SHANK2: variants seen among roughly 807,000 people sequenced by gnomAD.
SHANK2 encodes SH3 and multiple ankyrin repeat domains protein 2.
SHANK2 carries 43 observed loss-of-function variants against 133.7 expected under a neutral mutation model. That is an observed-to-expected ratio of 0.32 (90% CI 0.25 to 0.41). SHANK2 has a LOEUF of 0.41. Ranked by LOEUF, SHANK2 falls within the 10% of genes least tolerant of loss-of-function variation. The pLI is 1.00. For synonymous variants in SHANK2, 1,017 were observed against 952.8 expected (o/e 1.07, Z -1.24); for missense variants, 1,994 against 2,235.8 (o/e 0.89, Z 2.18).
intron 17 of SHANK2, among the ~76,000 whole-genome samples, chr11:70,612,556 G>A (rs2060674147): frequency 6.6e-6 from 1 of 152,186 alleles, no homozygotes; most frequent in Non-Finnish European, 1.5e-5. Flanking sequence ...CTTCATCCCT[G>A]AAGTATGCAT....
intron 12 of SHANK2, among the ~76,000 whole-genome samples, chr11:70,810,482 G>A (rs147643552): frequency 1.7e-4 from 26 of 152,318 alleles, no homozygotes; most frequent in African/African-American, 6.3e-4. Flanking sequence ...GGGACTCCAA[G>A]GAGAATACAG....
chr11:70,629,992 C>T (rs2060960455), intron 17 of SHANK2, among the ~76,000 whole-genome samples: 1 of 152,190 alleles, frequency 6.6e-6, no homozygotes, highest in African/African-American at 2.4e-5. Context: ...GGGTGCTTAT[C>T]AATGAGACAG....
chr11:70,846,782 C>T (rs1177544258), intron 11 of SHANK2, among the ~76,000 whole-genome samples: 2 of 152,202 alleles, frequency 1.3e-5, no homozygotes, highest in Non-Finnish European at 2.9e-5. Flanking sequence ...CAATGTAAAG[C>T]ACCACACTCT....
In SHANK2 at chr11:70,534,944, G is replaced by A. The variant is rs1206410007; in HGVS notation, c.2062-32013C>T. Among the ~76,000 whole-genome samples, 3 of 152,260 alleles carry A rather than the reference G, an allele frequency of 2.0e-5. No individual in the cohort carries two copies. In the East Asian group the frequency reaches 5.8e-4, roughly 29 times the overall value. ...AGTCAAGTTCGTTAGCTATGCAGGG[G>A]CAGGAGATGTGGATAGTGCCTCTGG... On this transcript the variant is annotated intron_variant, in intron 17 of 25. Coordinates refer to ENST00000601538, the MANE Select transcript of SHANK2 (RefSeq NM_012309.5).
At chr11:70,662,040 G>T (rs1053626313) in intron 15 of SHANK2, 1 of 513,756 alleles carries the variant, frequency 1.9e-6, no homozygotes, top group Non-Finnish European at 3.5e-6. Context: ...TGGCCCGAAC[G>T]GCGGCGGCGG....
intron 14 of SHANK2, among the ~76,000 whole-genome samples, chr11:70,784,207 C>T (rs1219430538): frequency 2.6e-5 from 4 of 151,360 alleles, no homozygotes; most frequent in African/African-American, 7.3e-5. Flanking sequence ...GACAGAGTCT[C>T]GTTCTGTCAC....
At chr11:70,824,170 C>T (rs1045125044) in intron 11 of SHANK2, among the ~76,000 whole-genome samples, 1 of 151,900 alleles carries the variant, frequency 6.6e-6, no homozygotes, top group African/African-American at 2.4e-5. Flanking sequence ...CAGTTGTGAC[C>T]CGGCGCACCT....
intron 14 of SHANK2, among the ~76,000 whole-genome samples, chr11:70,715,588 A>G (rs1945896022): frequency 6.6e-6 from 1 of 152,194 alleles, no homozygotes; most frequent in Non-Finnish European, 1.5e-5. Context: ...TCTACTCTAT[A>G]GTAATTAGAA....
intron 10 of SHANK2, among the ~76,000 whole-genome samples, chr11:70,950,442 C>T (rs1352432007): frequency 6.6e-6 from 1 of 152,082 alleles, no homozygotes; most frequent in Non-Finnish European, 1.5e-5. Context: ...CCGCCCGCTT[C>T]AGCCCCCCAA....
chr11:71,102,555 T>G (rs560416339), intron 6 of SHANK2, among the ~76,000 whole-genome samples: 6 of 152,342 alleles, frequency 3.9e-5, no homozygotes, highest in Non-Finnish European at 7.3e-5. Context: ...TGCTGTCCCC[T>G]GGGTGGCTTT....
At chr11:70,700,778 G>C (rs951890537) in intron 14 of SHANK2, among the ~76,000 whole-genome samples, 12 of 152,250 alleles carry the variant, frequency 7.9e-5, no homozygotes, top group African/African-American at 2.7e-4. Flanking sequence ...ATGGGGCGAA[G>C]GAGGAGCCCC....
intron 2 of SHANK2, among the ~76,000 whole-genome samples, chr11:71,186,705 C>A (rs1953679356): frequency 6.6e-6 from 1 of 152,240 alleles, no homozygotes; most frequent in African/African-American, 2.4e-5. Flanking sequence ...TGGAGCTGCC[C>A]TCAGTGACTT....
At chr11:70,494,762 T>A (rs565502347) in intron 21 of SHANK2, among the ~76,000 whole-genome samples, 61 of 152,238 alleles carry the variant, frequency 4.0e-4, no homozygotes, top group African/African-American at 1.3e-3. Context: ...TGCCAAGTGT[T>A]CACGCAAAGC....
intron 7 of SHANK2, 51 bp downstream of exon 7, chr11:71,094,486 C>T (rs1218744650): frequency 1.1e-5 from 17 of 1,519,626 alleles, no homozygotes; most frequent in Middle Eastern, 1.8e-4. Context: ...GGGGCAGCCG[C>T]ACGGAATCAG....
intron 10 of SHANK2, among the ~76,000 whole-genome samples, chr11:70,909,666 C>T (rs1950159633): frequency 6.6e-6 from 1 of 152,120 alleles, no homozygotes; most frequent in African/African-American, 2.4e-5. Flanking sequence ...AGAAGGCAGG[C>T]ATTACACACA....
At chr11:70,661,187 C>T (rs1016942500) in intron 16 of SHANK2, among the ~76,000 whole-genome samples, 1 of 152,326 alleles carries the variant, frequency 6.6e-6, no homozygotes, top group South Asian at 2.1e-4. Flanking sequence ...GTGCCTGAAA[C>T]TCAGGCCAGG....
chr11:71,132,153 G>T (rs12286150), intron 3 of SHANK2, among the ~76,000 whole-genome samples: 19,228 of 152,206 alleles, frequency 0.13, 3,158 homozygotes, highest in African/African-American at 0.39. Flanking sequence ...GGCCTTGTCC[G>T]CCCAGAAGGG....
intron 24 of SHANK2, 37 bp downstream of exon 24, chr11:70,489,291 T>G: frequency 1.9e-6 from 3 of 1,599,698 alleles, no homozygotes; most frequent in Non-Finnish European, 1.7e-6. Context: ...CTGGGTTACA[T>G]TCAGATTACA....
chr11:71,232,379 T>C (rs1180349729), intron 1 of SHANK2, among the ~76,000 whole-genome samples: 1 of 152,192 alleles, frequency 6.6e-6, no homozygotes, highest in Non-Finnish European at 1.5e-5. Flanking sequence ...AAACTGGGTA[T>C]ATCTCTGAAC....
Sources: gnomAD v4.1 joint callset for allele counts (sites outside exome capture counted in the v4.1 genomes callset) on GRCh38, gnomAD v4.1.1 for gene constraint, MANE v1.5 for transcripts, NCBI Gene and HGNC (gene_info 2026-07-23, HGNC 2026-07-21) for gene names.